Variants in GPC5 observed in about 807,000 individuals in gnomAD.
GPC5 encodes glypican 5.
A neutral mutation model predicts 53.9 loss-of-function variants in GPC5; 47 were observed. The observed-to-expected ratio is 0.87, with a 90% CI of 0.69 to 1.11. GPC5 has a LOEUF of 1.11. Among genes scored for constraint, GPC5 ranks in the 50% most tolerant of loss-of-function variants. The probability of loss-of-function intolerance (pLI) is 0.00; values close to 1 mark genes in which losing one functional copy is unlikely to be tolerated. For missense variants in GPC5, 748 were observed against 713.1 expected, an observed-to-expected ratio of 1.05 and a Z score of -0.56; for synonymous variants, 286 against 263.3, an observed-to-expected ratio of 1.09 and a Z score of -0.84.
intron 2 of GPC5, among the ~76,000 whole-genome samples, chr13:91,482,021 A>G (rs1318195716): frequency 6.6e-6 from 1 of 152,214 alleles, no homozygotes; most frequent in East Asian, 1.9e-4. Flanking sequence ...AGAATATCCC[A>G]TATCCAAAAG....
At chr13:92,854,462 C>G (rs769599227) in intron 7 of GPC5, among the ~76,000 whole-genome samples, 3 of 150,958 alleles carry the variant, frequency 2.0e-5, no homozygotes, top group African/African-American at 4.9e-5. Flanking sequence ...AAGTTAGAAA[C>G]AACTAAAATA....
intron 7 of GPC5, among the ~76,000 whole-genome samples, chr13:92,188,605 A>T (rs975696645): frequency 3.9e-5 from 6 of 152,262 alleles, no homozygotes; most frequent in Non-Finnish European, 5.9e-5. Flanking sequence ...TAAATGAATC[A>T]TTCCACATTT....
chr13:91,594,029 A>G (rs1274190568), intron 2 of GPC5, among the ~76,000 whole-genome samples: 1 of 152,116 alleles, frequency 6.6e-6, no homozygotes, highest in Non-Finnish European at 1.5e-5. Context: ...GTAATTACCT[A>G]TCCCATCTTT....
At chr13:92,675,339 G>T (rs1004692384) in intron 7 of GPC5, among the ~76,000 whole-genome samples, 1 of 152,022 alleles carries the variant, frequency 6.6e-6, no homozygotes, top group Non-Finnish European at 1.5e-5. Context: ...ATCCCTAGTT[G>T]TTCATTTCTT....
chr13:91,469,772 G>T (rs1047069722), intron 2 of GPC5, among the ~76,000 whole-genome samples: 1 of 152,002 alleles, frequency 6.6e-6, no homozygotes, highest in African/African-American at 2.4e-5. Flanking sequence ...CTGGATGGTG[G>T]CTCATGCCTG....
intron 3 of GPC5, among the ~76,000 whole-genome samples, chr13:91,719,925 A>C (rs922067435): frequency 6.6e-6 from 1 of 152,156 alleles, no homozygotes; most frequent in Non-Finnish European, 1.5e-5. Flanking sequence ...TCAGCCTTGG[A>C]TAAAGCTATA....
At chr13:92,032,827 C>A (rs1238181412) in intron 6 of GPC5, among the ~76,000 whole-genome samples, 1 of 152,146 alleles carries the variant, frequency 6.6e-6, no homozygotes, top group Admixed American at 6.6e-5. Flanking sequence ...ATGATTTCTC[C>A]CCCATTCTCT....
intron 7 of GPC5, among the ~76,000 whole-genome samples, chr13:92,290,390 G>A (rs550060736): frequency 6.6e-6 from 1 of 152,102 alleles, no homozygotes; most frequent in Non-Finnish European, 1.5e-5. Context: ...GGTTACATCA[G>A]TAAGTTCTTT....
At chr13:91,887,577 G>C (rs1048086437) in intron 5 of GPC5, among the ~76,000 whole-genome samples, 6 of 152,220 alleles carry the variant, frequency 3.9e-5, no homozygotes, top group African/African-American at 1.2e-4. Context: ...TTTATGCTCT[G>C]CTTCCTCTTG....
chr13:91,712,155 G>A (rs1397966351), intron 3 of GPC5, among the ~76,000 whole-genome samples: 1 of 152,070 alleles, frequency 6.6e-6, no homozygotes, highest in Non-Finnish European at 1.5e-5. Context: ...TTGTCTGGAT[G>A]CTATGCTTCT....
intron 7 of GPC5, among the ~76,000 whole-genome samples, chr13:92,731,389 T>C (rs1888799794): frequency 6.6e-6 from 1 of 151,248 alleles, no homozygotes; most frequent in Non-Finnish European, 1.5e-5. Context: ...AAAAAGTATA[T>C]AAACGTGAAA....
At position 92,381,896 on chromosome 13, in the gene GPC5, TAATC is replaced by T. The variant is rs1566565320; in HGVS notation, c.1561+236909_1561+236912del. On this transcript the variant is annotated intron_variant, in intron 7 of 7. Transcript: ENST00000377067. The stretch of plus-strand genomic sequence containing the variant: ...TATATATGATTATATATATTATATA[TAATC>T]ATATATATGATATATATAATCATAT... 7.0e-5 allele frequency among the ~76,000 whole-genome samples: 3 copies of T among 42,764 alleles called. No individual in the cohort carries two copies. In the South Asian group the frequency reaches 1.8e-3, roughly 25 times the overall value. The allele number at this position is 42,764 out of a possible 152,430, so 28.1% of individuals were successfully genotyped here.
At chr13:92,435,694 A>G (rs920254222) in intron 7 of GPC5, among the ~76,000 whole-genome samples, 1 of 152,216 alleles carries the variant, frequency 6.6e-6, no homozygotes, top group African/African-American at 2.4e-5. Context: ...GGAATGAAAA[A>G]GAACAAAGAC....
At chr13:92,663,852 CACACTATATATA>C (rs1594397820) in intron 7 of GPC5, among the ~76,000 whole-genome samples, 2 of 87,794 alleles carry the variant, frequency 2.3e-5, no homozygotes, top group East Asian at 4.9e-4. Flanking sequence ...TATACACACA[CACACTATATATA>C]TATATATATA....
At position 92,051,244 on chromosome 13, in the gene GPC5, C is replaced by A. The variant is rs1303454967; in HGVS notation, c.1402-93586C>A. Among the ~76,000 whole-genome samples the A allele has an allele frequency of 2.1e-4, 29 of 139,434 alleles. 2 individuals carry two copies. The Admixed American group carries it at 2.3e-3, about 11-fold the overall frequency. The allele number at this position is 139,434 out of a possible 152,430, so 91.5% of individuals were successfully genotyped here. On this transcript the variant is annotated intron_variant, in intron 6 of 7. Coordinates refer to ENST00000377067, the MANE Select transcript of GPC5 (RefSeq NM_004466.6). ...TTGAGACGGAGTCTCGCTCTGTCAC[C>A]AGGCTGGAGTGCAGTGGCACCATCT... is the stretch of plus-strand genomic sequence containing the variant.
intron 2 of GPC5, among the ~76,000 whole-genome samples, chr13:91,482,720 T>C (rs1883373011): frequency 1.3e-5 from 2 of 152,202 alleles, no homozygotes; most frequent in Admixed American, 1.3e-4. Flanking sequence ...CCTGCCACGC[T>C]GCTTCTTGCT....
chr13:92,546,099 G>C (rs1441638781), intron 7 of GPC5, among the ~76,000 whole-genome samples: 1 of 152,028 alleles, frequency 6.6e-6, no homozygotes, highest in African/African-American at 2.4e-5. Context: ...TTGGAAAACT[G>C]GCACAAGACA....
intron 7 of GPC5, among the ~76,000 whole-genome samples, chr13:92,724,201 G>A (rs1888575455): frequency 6.6e-6 from 1 of 151,354 alleles, no homozygotes; most frequent in African/African-American, 2.4e-5. Flanking sequence ...TACTTCTTCA[G>A]TATAAGATAT....
intron 7 of GPC5, among the ~76,000 whole-genome samples, chr13:92,858,957 C>T (rs1194487358): frequency 6.6e-6 from 1 of 152,066 alleles, no homozygotes; most frequent in Non-Finnish European, 1.5e-5. Context: ...ATAAATTATT[C>T]TGACCTGGTG....
Sources: allele counts gnomAD v4.1 joint callset (sites outside exome capture counted in the v4.1 genomes callset), GRCh38; gene constraint gnomAD v4.1.1; transcripts MANE v1.5; gene names NCBI Gene and HGNC (gene_info 2026-07-23, HGNC 2026-07-21).